The following YES1 variants were observed in gnomAD, a reference collection of about 807,000 sequenced individuals.
YES1 encodes the protein tyrosine-protein kinase Yes.
YES1 carries 39 observed loss-of-function variants against 70.4 expected under a neutral mutation model. The ratio of observed to expected loss-of-function variants is 0.55; its 90% confidence interval spans 0.43 to 0.72. The LOEUF is 0.72. YES1 is among the 30% of genes least tolerant of loss of function. The pLI is 0.00. For synonymous variants in YES1, 198 were observed against 218.6 expected, an observed-to-expected ratio of 0.91 and a Z score of 0.83; for missense variants, 495 against 644.8, an observed-to-expected ratio of 0.77 and a Z score of 2.52.
chr18:778,701 T>C (rs1339920699), intron 1 of YES1, among the ~76,000 whole-genome samples: 2 of 152,192 alleles, frequency 1.3e-5, no homozygotes, highest in African/African-American at 2.4e-5. Context: ...ACAATTTCCA[T>C]AGGTCACGGT....
chr18:744,582 G>C (rs1017419941), intron 6 of YES1, among the ~76,000 whole-genome samples: 1 of 149,472 alleles, frequency 6.7e-6, no homozygotes, highest in Non-Finnish European at 1.5e-5. Context: ...AATAGATAGG[G>C]TTTTGCCATG....
chr18:799,087 T>C (rs919972849), intron 1 of YES1, among the ~76,000 whole-genome samples: 6 of 152,214 alleles, frequency 3.9e-5, no homozygotes, highest in Non-Finnish European at 8.8e-5. Flanking sequence ...CCAGTTTGCT[T>C]TATACCAATA....
intron 1 of YES1, among the ~76,000 whole-genome samples, chr18:763,161 T>C (rs755216100): frequency 1.3e-5 from 2 of 152,148 alleles, no homozygotes; most frequent in African/African-American, 2.4e-5. Context: ...AGGGGCTGTT[T>C]GTGAGCTGGG....
At chr18:807,250 C>A (rs1598951767) in intron 1 of YES1, among the ~76,000 whole-genome samples, 1 of 151,708 alleles carries the variant, frequency 6.6e-6, no homozygotes, top group African/African-American at 2.4e-5. Context: ...AGGAGAATCA[C>A]TTGAACCTGG....
intron 6 of YES1, among the ~76,000 whole-genome samples, 173 bp from the exon 7 acceptor site, chr18:743,588 T>C (rs990237067): frequency 9.2e-5 from 14 of 152,060 alleles, no homozygotes; most frequent in Non-Finnish European, 1.3e-4. Flanking sequence ...AAACATGAAA[T>C]ATACATAAGT....
rs757945173 is a variant in YES1, at chr18:745,710, G to C, written c.722C>G (p.Thr241Arg). 21 of 1,608,126 alleles carry C rather than the reference G, an allele frequency of 1.3e-5. No individual in the cohort carries two copies. The highest frequency in any genetic ancestry group is 1.7e-5 in the Non-Finnish European group (20 of 1,178,548). ...TTACCTTTGAAATATTCACATACCTGTGTAGTGTTTCACCAATTTCTGCAG... is the reference window on the plus strand; with the variant it reads ...TTACCTTTGAAATATTCACATACCTCTGTAGTGTTTCACCAATTTCTGCAG... ...DTLQKLVKHY[T>R]EHADGLCHKL... Residue 241 changes from threonine to arginine, a missense_variant and splice_region_variant, in exon 6 of 12, where the codon ACA (threonine) becomes AGA (arginine). Coordinates refer to ENST00000314574, the MANE Select transcript of YES1 (RefSeq NM_005433.4).
intron 1 of YES1, among the ~76,000 whole-genome samples, chr18:806,116 T>C (rs1202801796): frequency 6.6e-6 from 1 of 152,236 alleles, no homozygotes; most frequent in Non-Finnish European, 1.5e-5. Flanking sequence ...CTTTTTCTTT[T>C]TGTCCTAGGT....
intron 1 of YES1, among the ~76,000 whole-genome samples, chr18:764,647 TTAA>T (rs1288338051): frequency 1.3e-5 from 2 of 152,152 alleles, no homozygotes; most frequent in Admixed American, 1.3e-4. Context: ...TGGTGGGGGA[TTAA>T]TAATATGTTT....
intron 1 of YES1, among the ~76,000 whole-genome samples, chr18:772,408 T>TA (rs1441118498): frequency 6.6e-6 from 1 of 151,848 alleles, no homozygotes; most frequent in Non-Finnish European, 1.5e-5. Context: ...TTCCCTACCA[T>TA]AATGTGGATT....
At chr18:729,772 G>T (rs953037321) in intron 11 of YES1, among the ~76,000 whole-genome samples, 1 of 151,776 alleles carries the variant, frequency 6.6e-6, no homozygotes, top group Non-Finnish European at 1.5e-5. Context: ...GATTACAGGC[G>T]CCCGCCACCA....
rs776798016 is a variant in YES1 at position 745,930 on chromosome 18, AT to A, written c.574+17del. On this transcript the variant is annotated intron_variant, in intron 5 of 11. Coordinates refer to ENST00000314574, the MANE Select transcript of YES1 (RefSeq NM_005433.4). ...CCCAAGAAATTTTATACTTATACTA[AT>A]ATAACAATATTCATACCTTTAGTTG... 6.2e-7 allele frequency: 1 copy of A among 1,602,002 alleles called. No individual in the cohort carries two copies. Among genetic ancestry groups the A allele is most frequent in the South Asian group, 1.1e-5 (1 of 89,470 alleles).
intron 1 of YES1, among the ~76,000 whole-genome samples, chr18:769,568 T>C (rs1030606432): frequency 2.6e-5 from 4 of 152,222 alleles, no homozygotes; most frequent in Admixed American, 1.3e-4. Context: ...TTTTGTATTA[T>C]AGCAGAACTT....
At chr18:753,052 G>C (rs996711444) in intron 2 of YES1, among the ~76,000 whole-genome samples, 1 of 152,110 alleles carries the variant, frequency 6.6e-6, no homozygotes, top group African/African-American at 2.4e-5. Flanking sequence ...TTAGCATACT[G>C]AACAGCCAAA....
At chr18:760,685 C>G (rs1160729712) in intron 1 of YES1, among the ~76,000 whole-genome samples, 2 of 151,894 alleles carry the variant, frequency 1.3e-5, no homozygotes, top group African/African-American at 4.8e-5. Context: ...GAATTATAAG[C>G]TAAATATATA....
chr18:798,470 A>C (rs1323065652), intron 1 of YES1, among the ~76,000 whole-genome samples: 1 of 152,160 alleles, frequency 6.6e-6, no homozygotes, highest in Non-Finnish European at 1.5e-5. Context: ...AAACAAAAAC[A>C]ATACAAAAAC....
chr18:811,063 A>T (rs1907351732), intron 1 of YES1, among the ~76,000 whole-genome samples: 1 of 152,170 alleles, frequency 6.6e-6, no homozygotes, highest in Non-Finnish European at 1.5e-5. Context: ...GTGTAACAGG[A>T]TGGTTTAAAT....
intron 1 of YES1, among the ~76,000 whole-genome samples, chr18:792,027 G>C (rs932152855): frequency 5.9e-5 from 9 of 152,104 alleles, no homozygotes; most frequent in Non-Finnish European, 8.8e-5. Flanking sequence ...TATTATACTG[G>C]AGAGTGTTCA....
At chr18:757,332 C>T (rs8085970) in intron 1 of YES1, among the ~76,000 whole-genome samples, 2,796 of 151,290 alleles carry the variant, frequency 0.018, 66 homozygotes, top group African/African-American at 0.052. Context: ...TGAAACCCCG[C>T]CTCTACTAAA....
intron 1 of YES1, among the ~76,000 whole-genome samples, chr18:783,453 A>T (rs1024437131): frequency 3.3e-5 from 5 of 152,126 alleles, no homozygotes. Flanking sequence ...AAAGGAATTA[A>T]TATGAATGCA....
Sources: gnomAD v4.1 joint callset for allele counts (sites outside exome capture counted in the v4.1 genomes callset) on GRCh38, gnomAD v4.1.1 for gene constraint, MANE v1.5 for transcripts, NCBI Gene and HGNC (gene_info 2026-07-23, HGNC 2026-07-21) for gene names.